RBM33: variants seen among roughly 807,000 people sequenced by gnomAD.
RBM33 encodes RNA-binding protein 33.
In RBM33, 28 loss-of-function variants were observed where a neutral mutation model predicts 132.6. The observed-to-expected ratio is 0.21, with a 90% confidence interval of 0.16 to 0.29. The LOEUF (loss-of-function observed/expected upper bound fraction) is 0.29, where lower values mean the gene tolerates loss of function less well. Ranked by LOEUF, RBM33 falls within the 10% of genes least tolerant of loss-of-function variation. RBM33 has a pLI of 1.00. For missense variants in RBM33, 1,291 were observed against 1,518.5 expected (o/e 0.85, Z 2.49); for synonymous variants, 634 against 593.0 (o/e 1.07, Z -1.01).
intron 9 of RBM33, among the ~76,000 whole-genome samples, chr7:155,719,624 A>G (rs1800564079): frequency 6.6e-6 from 1 of 152,198 alleles, no homozygotes. Context: ...GCAGTTGTCT[A>G]AAAAGTCAAG....
At chr7:155,666,041 A>C (rs1331143739) in intron 2 of RBM33, among the ~76,000 whole-genome samples, 1 of 152,254 alleles carries the variant, frequency 6.6e-6, no homozygotes, top group Non-Finnish European at 1.5e-5. Context: ...TACAGTTCAC[A>C]TAAAGCTGAT....
At chr7:155,644,947 C>G (rs1368185003) in intron 1 of RBM33, 28 bp downstream of exon 1, 2 of 1,475,286 alleles carry the variant, frequency 1.4e-6, no homozygotes, top group Non-Finnish European at 1.8e-6. Flanking sequence ...ACTCTGGGGG[C>G]CAGGACCGCG....
At chr7:155,757,301 G>T (rs1037682874) in intron 14 of RBM33, among the ~76,000 whole-genome samples, 22 of 152,150 alleles carry the variant, frequency 1.4e-4, no homozygotes, top group Non-Finnish European at 3.1e-4. Flanking sequence ...ACTTGAAACT[G>T]TTCTGTAGAA....
intron 1 of RBM33, among the ~76,000 whole-genome samples, chr7:155,655,812 T>A (rs1456487151): frequency 6.6e-6 from 1 of 152,174 alleles, no homozygotes; most frequent in East Asian, 1.9e-4. Flanking sequence ...TCTCAGCTAC[T>A]TGGAGGCTGA....
intron 2 of RBM33, among the ~76,000 whole-genome samples, chr7:155,669,717 G>C (rs928306245): frequency 6.6e-6 from 1 of 152,182 alleles, no homozygotes; most frequent in Non-Finnish European, 1.5e-5. Flanking sequence ...AAGAACTAAT[G>C]AGTTCATTCC....
chr7:155,692,249 G>T (rs1799665204), intron 5 of RBM33, among the ~76,000 whole-genome samples: 1 of 152,074 alleles, frequency 6.6e-6, no homozygotes, highest in Non-Finnish European at 1.5e-5. Flanking sequence ...AATATTAACA[G>T]ACCTCAGAAT....
chr7:155,696,952 G>C (rs887260440), intron 5 of RBM33, among the ~76,000 whole-genome samples: 1 of 152,160 alleles, frequency 6.6e-6, no homozygotes, highest in African/African-American at 2.4e-5. Context: ...TGAGGTTGTG[G>C]ATTTTGGAAA....
intron 3 of RBM33, among the ~76,000 whole-genome samples, chr7:155,677,841 G>A (rs1799226617): frequency 6.6e-6 from 1 of 152,184 alleles, no homozygotes; most frequent in Non-Finnish European, 1.5e-5. Context: ...CAGTGTGTGT[G>A]TGGCTTTGAC....
At chr7:155,701,182 A>AG (rs1464614856) in intron 6 of RBM33, 1 of 550,214 alleles carries the variant, frequency 1.8e-6, no homozygotes, top group Non-Finnish European at 3.2e-6. Flanking sequence ...AATTAAAAAA[A>AG]ATTTTTTTTT....
intron 5 of RBM33, among the ~76,000 whole-genome samples, chr7:155,690,853 A>G (rs199575770): frequency 6.6e-6 from 1 of 151,880 alleles, no homozygotes; most frequent in African/African-American, 2.4e-5. Context: ...AGTCTGATGG[A>G]CTTCCCTTTG....
Position 155,739,885 on chromosome 7 carries a change from C to T in RBM33, c.1908C>T (p.His636=). The change falls in exon 12 of 18, where the codon CAC becomes CAT. Residue 636 remains histidine (H), a synonymous_variant. Coordinates refer to ENST00000401878, the MANE Select transcript of RBM33 (RefSeq NM_053043.3). ...AGCACCCGCCGCAGCACCAGCACCA[C>T]CACCACCACCACCACCTGTCCGTCC... The part of the protein sequence containing the change: ...PPQHPPQHQH[H]HHHHHLSVPP... The T allele has an allele frequency of 6.5e-7, 1 of 1,546,876 alleles. No individual in the cohort carries two copies. The highest frequency in any genetic ancestry group is 8.7e-7 in the Non-Finnish European group (1 of 1,145,214).
At chr7:155,672,557 C>G (rs568463862) in intron 2 of RBM33, among the ~76,000 whole-genome samples, 1 of 152,176 alleles carries the variant, frequency 6.6e-6, no homozygotes, top group African/African-American at 2.4e-5. Flanking sequence ...GAGTTCGAGA[C>G]CAGCCTGGCC....
At chr7:155,673,940 G>GTTGTTGTTTGTTTGTTTTTTTT in intron 3 of RBM33, among the ~76,000 whole-genome samples, 8 of 54,196 alleles carry the variant, frequency 1.5e-4, no homozygotes, top group South Asian at 7.2e-4. Context: ...TTTAGGCTTA[G>GTTGTTGTTTGTTTGTTTTTTTT]TTTTTTTTTT....
Position 155,745,422 on chromosome 7 carries a change from C to A in RBM33, c.2799C>A (p.Ile933=). 6.2e-7 allele frequency: 1 copy of A among 1,613,848 alleles called. No individual in the cohort carries two copies. Among genetic ancestry groups the A allele is most frequent in the Non-Finnish European group, 8.5e-7 (1 of 1,179,854 alleles). ...AGCCGCTGCATAAAGTGCTCCCGAT[C>A]AAACCTGCAGATGTGGAGGAGCCAG... ...QTQPLHKVLP[I]KPADVEEPAV... is the part of the protein sequence containing the mutation. The change falls in exon 14 of 18, where the codon ATC becomes ATA. Residue 933 remains isoleucine, a synonymous_variant. Coordinates refer to ENST00000401878, the MANE Select transcript of RBM33 (RefSeq NM_053043.3). The surrounding 1 kb of genome is among the most constrained non-coding windows in gnomAD (Gnocchi z 4.1).
intron 6 of RBM33, chr7:155,701,407 T>C (rs1799959693): frequency 5.8e-6 from 1 of 171,204 alleles, no homozygotes. Flanking sequence ...CCTCTGACTT[T>C]AATGAGACAA....
At chr7:155,770,326 A>G (rs1283680648) in intron 16 of RBM33, among the ~76,000 whole-genome samples, 1 of 152,160 alleles carries the variant, frequency 6.6e-6, no homozygotes, top group Admixed American at 6.5e-5. Context: ...CAGGCGCCCT[A>G]TTTCCAACAG....
At chr7:155,673,758 G>T (rs1429525667) in intron 3 of RBM33, among the ~76,000 whole-genome samples, 1 of 64,478 alleles carries the variant, frequency 1.6e-5, no homozygotes, top group African/African-American at 5.6e-5. Context: ...GTATATACGC[G>T]CGCATGCGCG....
intron 14 of RBM33, among the ~76,000 whole-genome samples, chr7:155,759,655 G>C (rs1412400967): frequency 1.3e-5 from 2 of 152,118 alleles, no homozygotes; most frequent in Admixed American, 1.3e-4. Flanking sequence ...TCCTGACCTC[G>C]TGATCCACCC....
Position 155,738,067 on chromosome 7 carries a change from T to G in RBM33, c.1401T>G (p.Gly467=), listed in dbSNP as rs537217971. The G allele has an allele frequency of 4.3e-6, 7 of 1,612,590 alleles. No homozygotes were observed. In the Admixed American group the frequency reaches 5.0e-5, roughly 12 times the overall value. The change falls in exon 11 of 18, where the codon GGT becomes GGG. Residue 467 remains glycine (G), a synonymous_variant. Transcript: ENST00000401878. ...DRDPFFLGVS[G]EPRFPSHLFL... ...TGTTGTGTTACCTTTCAGTTTCAGGTGAACCAAGATTCCCGAGCCATCTTT... is the reference window on the plus strand; with the variant it reads ...TGTTGTGTTACCTTTCAGTTTCAGGGGAACCAAGATTCCCGAGCCATCTTT...
Sources: gnomAD v4.1 joint callset for allele counts (sites outside exome capture counted in the v4.1 genomes callset) on GRCh38, gnomAD v4.1.1 for gene constraint, Gnocchi (gnomAD v3.1) non-coding constraint, MANE v1.5 for transcripts, NCBI Gene and HGNC (gene_info 2026-07-23, HGNC 2026-07-21) for gene names.